The following SLC2A7 variants were observed in gnomAD, a reference collection of about 807,000 sequenced individuals.
SLC2A7 encodes solute carrier family 2 member 7, also known as solute carrier family 2, facilitated glucose transporter member 7.
A neutral mutation model predicts 50.5 loss-of-function variants in SLC2A7; 50 were observed. That is an observed-to-expected ratio of 0.99 (90% CI 0.79 to 1.25). The LOEUF (loss-of-function observed/expected upper bound fraction) is 1.25, where lower values mean the gene tolerates loss of function less well. SLC2A7 is among the 50% of genes most tolerant of loss of function. The pLI is 0.00. For synonymous variants in SLC2A7, 308 were observed against 300.4 expected (o/e 1.03, Z -0.26); for missense variants, 683 against 679.1 (o/e 1.01, Z -0.06).
the SLC2A7 span, among the ~76,000 whole-genome samples, chr1:8,997,534 G>A: frequency 2.0e-5 from 3 of 151,946 alleles, no homozygotes; most frequent in Non-Finnish European, 2.9e-5. Flanking sequence ...CCGAGTAGCT[G>A]GAATCATAGG....
chr1:9,010,211 G>A lies in SLC2A7; in HGVS notation c.1048C>T (p.Leu350Phe), dbSNP rs754741264. The A allele has an allele frequency of 2.2e-5, 34 of 1,551,310 alleles. No homozygotes were observed. Among genetic ancestry groups the A allele is most frequent in the Non-Finnish European group, 3.0e-5 (34 of 1,147,078 alleles). ...VLVERLGRRHLLLAGYGICGS... is the reference protein window; with the variant it reads ...VLVERLGRRHFLLAGYGICGS... ...CAGATGCCGTAGCCGGCCAGCAGGA[G>A]GTGCCGCCGTCCCAGCCGCTCCACA... Residue 350 changes from leucine (L) to phenylalanine (F), a missense_variant, in exon 9 of 12, where the codon CTC (leucine) becomes TTC (phenylalanine). Coordinates refer to ENST00000400906, the MANE Select transcript of SLC2A7 (RefSeq NM_207420.3).
chr1:9,023,858 T>C (rs1391137758), intron 2 of SLC2A7, among the ~76,000 whole-genome samples: 2 of 84,826 alleles, frequency 2.4e-5, no homozygotes, highest in Non-Finnish European at 4.8e-5. Flanking sequence ...TTTTTTTTTT[T>C]TTTTTTTTTT....
In SLC2A7 at chr1:9,003,436, T is replaced by A. The variant is rs1640604472; in HGVS notation, c.1403A>T (p.Glu468Val). 1.2e-6 allele frequency: 2 copies of A among 1,614,082 alleles called. No homozygotes were observed. Among genetic ancestry groups the A allele is most frequent in the Non-Finnish European group, 1.7e-6 (2 of 1,180,044 alleles). The change falls in exon 12 of 12, where the codon GAG (glutamate) becomes GTG (valine). Residue 468 changes from glutamate to valine, a missense_variant. Physicochemically the swap from Glu to Val is moderately radical, Grantham distance 121. Coordinates refer to ENST00000400906, the MANE Select transcript of SLC2A7 (RefSeq NM_207420.3). ...TAIYIYVVIP[E>V]TKGKTFVEIN... Reference sequence around the variant, plus strand: ...CTCCACAAATGTTTTGCCCTTGGTCTCCGGAATAACCACGTAGATGTAAAT... The same window carrying A: ...CTCCACAAATGTTTTGCCCTTGGTCACCGGAATAACCACGTAGATGTAAAT...
In SLC2A7 at chr1:9,013,617, T is replaced by C; in HGVS notation, c.922A>G (p.Thr308Ala). Residue 308 changes from threonine to alanine, a missense_variant, in exon 8 of 12, where the codon ACC becomes GCC. Coordinates refer to ENST00000400906, the MANE Select transcript of SLC2A7 (RefSeq NM_207420.3). ...TCCACGCCCGCAGATGTGTAGATGG[T>C]GTCCGCATAGTAGTTGATCTAAACA... is the stretch of plus-strand genomic sequence containing the variant. The part of the protein sequence containing the change: ...GINAINYYAD[T>A]IYTSAGVEAA... The C allele has an allele frequency of 6.2e-7, 1 of 1,613,568 alleles. No individual in the cohort carries two copies. The highest frequency in any genetic ancestry group is 8.5e-7 in the Non-Finnish European group (1 of 1,179,798).
chr1:9,019,087 T>C (rs113912685), intron 4 of SLC2A7, 122 bp downstream of exon 4: 1 of 1,328,010 alleles, frequency 7.5e-7, no homozygotes, highest in Non-Finnish European at 1.0e-6. Flanking sequence ...GGGATGCAGA[T>C]GGGAGGACGT....
rs567761310 is a variant in SLC2A7, at chr1:9,020,038, A to G, written c.312-705T>C. ...GCTGGTACCTTGATCTTGAATTTCT[A>G]TCCTGCAGAACTGTGAGAAGATAAA... On this transcript the variant is annotated intron_variant, in intron 3 of 11. Coordinates refer to ENST00000400906, the MANE Select transcript of SLC2A7 (RefSeq NM_207420.3). 7.2e-5 allele frequency among the ~76,000 whole-genome samples: 11 copies of G among 152,370 alleles called. 1 individual carries two copies. In the South Asian group the frequency reaches 2.3e-3, roughly 32 times the overall value.
chr1:9,015,213 C>A lies in SLC2A7; in HGVS notation c.619G>T (p.Val207Leu), dbSNP rs754545256. 3 of 1,605,658 alleles carry A rather than the reference C, an allele frequency of 1.9e-6. 1 individual carries two copies. In the South Asian group the frequency reaches 3.3e-5, roughly 18 times the overall value. The stretch of plus-strand genomic sequence containing the variant: ...GTCAGCAGCTGCAGCAGGGCGGGCA[C>A]CCCTGTGAGCGCCAGAAGCACCGGC... ...GWPVLLALTG[V>L]PALLQLLTLP... Residue 207 changes from valine to leucine, a missense_variant, in exon 6 of 12, where the codon GTG becomes TTG. Coordinates refer to ENST00000400906, the MANE Select transcript of SLC2A7 (RefSeq NM_207420.3).
chr1:9,020,239 G>T (rs753353579), intron 3 of SLC2A7, among the ~76,000 whole-genome samples: 11 of 152,164 alleles, frequency 7.2e-5, no homozygotes, highest in Admixed American at 1.3e-4. Flanking sequence ...CAGGAACAAA[G>T]AATGGGCTGT....
intron 1 of SLC2A7, 119 bp from the exon 2 acceptor site, chr1:9,025,193 G>C: frequency 1.9e-6 from 2 of 1,033,120 alleles, no homozygotes; most frequent in Non-Finnish European, 2.9e-6. Context: ...ATCCCAGGCC[G>C]TGCCCCCGGA....
downstream of SLC2A7, among the ~76,000 whole-genome samples, chr1:9,000,745 G>GGTGTGT (rs56985979): frequency 0.077 from 10,921 of 142,042 alleles, 517 homozygotes; most frequent in African/African-American, 0.12. Flanking sequence ...TGACTTTCCT[G>GGTGTGT]GTGTGTGTGT....
At position 9,003,195 on chromosome 1, in the gene SLC2A7, G is replaced by A. The variant is rs1391450371; in HGVS notation, c.*105C>T. 3.0e-6 allele frequency: 3 copies of A among 985,532 alleles called. No individual in the cohort carries two copies. Among genetic ancestry groups the A allele is most frequent in the Non-Finnish European group, 4.5e-6 (3 of 664,954 alleles). The allele number at this position is 985,532 out of a possible 1,614,324, so 61.0% of individuals were successfully genotyped here. On this transcript the variant is annotated 3_prime_UTR_variant, in exon 12 of 12. Coordinates refer to ENST00000400906, the MANE Select transcript of SLC2A7 (RefSeq NM_207420.3). ...CATAATTAAGTTAAATGGGGGCAACGACAAAAGCCTCCGTGCTATTATCCT... is the reference window on the plus strand; with the variant it reads ...CATAATTAAGTTAAATGGGGGCAACAACAAAAGCCTCCGTGCTATTATCCT...
chr1:9,019,300 G>A lies in SLC2A7; in HGVS notation c.345C>T (p.Ala115=), dbSNP rs1371489815. Residue 115 remains alanine (A), a synonymous_variant, in exon 4 of 12, where the codon GCC becomes GCT. Transcript: ENST00000400906. ...KGTLLINNIF[A]IIPAILMGVS... ...CTCCCATCAGGATGGCGGGGATGAT[G>A]GCAAAGATGTTGTTGATCAGCAGGG... 2.5e-5 allele frequency: 41 copies of A among 1,613,986 alleles called. No homozygotes were observed. The highest frequency in any genetic ancestry group is 1.6e-4 in the Middle Eastern group (1 of 6,084).
chr1:9,024,863 G>GGC (rs1640971019), intron 2 of SLC2A7, 113 bp downstream of exon 2: 2 of 1,183,338 alleles, frequency 1.7e-6, no homozygotes, highest in Admixed American at 4.1e-5. Flanking sequence ...AAGGCAAGAT[G>GGC]GTGCCTCCTA....
rs771675229 is a variant in SLC2A7, at chr1:9,003,250, G to T, written c.*50C>A. 2 of 1,581,354 alleles carry T rather than the reference G, an allele frequency of 1.3e-6. No individual in the cohort carries two copies. Among genetic ancestry groups the T allele is most frequent in the South Asian group, 2.2e-5 (2 of 89,498 alleles). ...AGAGCCTGGGGCCGGGAGGCCCATT[G>T]TCATAGAAGGAAGCCTTGAATATGG... On this transcript the variant is annotated 3_prime_UTR_variant, in exon 12 of 12. Coordinates refer to ENST00000400906, the MANE Select transcript of SLC2A7 (RefSeq NM_207420.3).
chr1:9,004,331 TAA>T (rs761127530), intron 11 of SLC2A7, among the ~76,000 whole-genome samples: 28 of 119,784 alleles, frequency 2.3e-4, no homozygotes, highest in Non-Finnish European at 2.7e-4. Flanking sequence ...AGGCCCTGTC[TAA>T]AAAAAAAAAA....
chr1:8,997,586 G>C, the SLC2A7 span, among the ~76,000 whole-genome samples: 3 of 151,954 alleles, frequency 2.0e-5, no homozygotes, highest in Non-Finnish European at 4.4e-5. Context: ...TTTTAGTAGA[G>C]ACGGGGTTTC....
At chr1:9,016,672 G>A (rs1433452987) in intron 5 of SLC2A7, among the ~76,000 whole-genome samples, 1 of 150,832 alleles carries the variant, frequency 6.6e-6, no homozygotes, top group Non-Finnish European at 1.5e-5. Flanking sequence ...AGGAAGGAAG[G>A]AAAGGAGAGA....
At chr1:9,013,417 C>T in intron 8 of SLC2A7, 108 bp downstream of exon 8, 2 of 855,354 alleles carry the variant, frequency 2.3e-6, no homozygotes, top group Non-Finnish European at 3.6e-6. Flanking sequence ...CTTAAATGAC[C>T]CCAGGACCAG....
intron 8 of SLC2A7, among the ~76,000 whole-genome samples, chr1:9,011,746 C>CTTTTTTTTTTTTTTT (rs34758810): frequency 2.1e-5 from 2 of 93,228 alleles, no homozygotes; most frequent in South Asian, 3.9e-4. Context: ...TCTTCTTCTT[C>CTTTTTTTTTTTTTTT]TTTTTTTTTT....
Sources: allele counts gnomAD v4.1 joint callset (sites outside exome capture counted in the v4.1 genomes callset), GRCh38; gene constraint gnomAD v4.1.1; transcripts MANE v1.5; gene names NCBI Gene and HGNC (gene_info 2026-07-23, HGNC 2026-07-21).